FMNL2: variants seen among roughly 807,000 people sequenced by gnomAD.
FMNL2 encodes the protein formin like 2.
In FMNL2, 51 loss-of-function variants were observed where a neutral mutation model predicts 130.2. The observed-to-expected ratio is 0.39, with a 90% CI of 0.31 to 0.49. FMNL2 has a LOEUF of 0.49. FMNL2 is among the 20% of genes least tolerant of loss of function. FMNL2 has a pLI of 0.85. For synonymous variants in FMNL2, 465 were observed against 467.1 expected (o/e 1.00, Z 0.06); for missense variants, 977 against 1,316.2 (o/e 0.74, Z 3.99).
chr2:152,444,771 G>A (rs980449959), intron 1 of FMNL2, among the ~76,000 whole-genome samples: 1 of 152,270 alleles, frequency 6.6e-6, no homozygotes, highest in African/African-American at 2.4e-5. Context: ...TGATAGAGTC[G>A]ATTGAATGTT....
chr2:152,561,136 A>C (rs750228127), intron 6 of FMNL2, 101 bp downstream of exon 6: 1 of 1,235,830 alleles, frequency 8.1e-7, no homozygotes, highest in Non-Finnish European at 1.1e-6. Flanking sequence ...ATAAATTGCC[A>C]TACAGCACTT....
intron 9 of FMNL2, among the ~76,000 whole-genome samples, chr2:152,603,687 A>G (rs1036841261): frequency 2.7e-5 from 4 of 150,860 alleles, no homozygotes; most frequent in East Asian, 2.0e-4. Flanking sequence ...CAGCCATTCA[A>G]AACCTTTTTT....
At chr2:152,390,586 T>C in intron 1 of FMNL2, 1 of 1,331,382 alleles carries the variant, frequency 7.5e-7, no homozygotes, top group South Asian at 1.2e-5. Context: ...CTGAAGAAGT[T>C]CATGGATCAG....
rs751231036 is a variant in FMNL2 at position 152,647,891 on chromosome 2, G to A, written c.3265G>A (p.Glu1089Lys). 69 of 1,612,720 alleles carry A rather than the reference G, an allele frequency of 4.3e-5. No individual in the cohort carries two copies. The highest frequency in any genetic ancestry group is 1.6e-4 in the Middle Eastern group (1 of 6,082). The change falls in exon 26 of 26, where the codon GAA becomes AAA. Residue 1089 changes from glutamate to lysine, a missense_variant. By Grantham distance (56) the Glu-to-Lys change is moderately conservative. Transcript: ENST00000288670. ...DQNLRSVNGA[E>K]ITM ...GAACTTGCGTTCTGTTAATGGTGCC[G>A]AAATAACAATGTGAACCTGAGACTG...
intron 1 of FMNL2, among the ~76,000 whole-genome samples, chr2:152,489,648 G>A (rs1282599506): frequency 6.6e-6 from 1 of 152,220 alleles, no homozygotes; most frequent in African/African-American, 2.4e-5. Flanking sequence ...GGAGGCTGTG[G>A]ACTACCTATA....
At chr2:152,578,239 T>A (rs1345138457) in intron 7 of FMNL2, among the ~76,000 whole-genome samples, 1 of 152,168 alleles carries the variant, frequency 6.6e-6, no homozygotes, top group East Asian at 1.9e-4. Context: ...AAGAATATAG[T>A]TGACCCTTGA....
chr2:152,451,675 G>A (rs1489940228), intron 1 of FMNL2, among the ~76,000 whole-genome samples: 1 of 152,132 alleles, frequency 6.6e-6, no homozygotes, highest in African/African-American at 2.4e-5. Flanking sequence ...GAGGTTGGAG[G>A]TCAGCCCGCT....
intron 8 of FMNL2, 132 bp downstream of exon 8, chr2:152,579,096 T>A: frequency 1.4e-6 from 1 of 724,898 alleles, no homozygotes; most frequent in Non-Finnish European, 2.2e-6. Flanking sequence ...ATAAACTCTT[T>A]GGCTGTGTAA....
chr2:152,443,642 A>T (rs772480553), intron 1 of FMNL2, among the ~76,000 whole-genome samples: 3 of 152,142 alleles, frequency 2.0e-5, no homozygotes, highest in Non-Finnish European at 4.4e-5. Context: ...CAGGAGTTCA[A>T]GACCAGGCTA....
intron 4 of FMNL2, among the ~76,000 whole-genome samples, chr2:152,557,895 G>C (rs1370504): frequency 0.74 from 111,848 of 151,998 alleles, 41,405 homozygotes; most frequent in East Asian, 0.81. Context: ...TTGAAACTTA[G>C]TGAAGGTTTA....
At chr2:152,357,104 G>GATAAATATTACATCAGTTTAATA (rs1682859674) in intron 1 of FMNL2, among the ~76,000 whole-genome samples, 2 of 99,246 alleles carry the variant, frequency 2.0e-5, no homozygotes, top group Non-Finnish European at 3.9e-5. Flanking sequence ...TAAGTTTAAT[G>GATAAATATTACATCAGTTTAATA]TATCACGATA....
chr2:152,387,528 A>T (rs183038312), intron 1 of FMNL2, among the ~76,000 whole-genome samples: 51 of 152,372 alleles, frequency 3.3e-4, no homozygotes, highest in African/African-American at 1.1e-3. Context: ...ATTATGACTT[A>T]TCAAGGGGAA....
Position 152,415,755 on chromosome 2 carries a change from G to A in FMNL2, c.117+80035G>A, listed in dbSNP as rs116262180. Among the ~76,000 whole-genome samples the A allele has an allele frequency of 9.4e-3, 1,427 of 152,256 alleles. 10 individuals carry two copies. Among genetic ancestry groups the A allele is most frequent in the Non-Finnish European group, 0.015 (1,047 of 68,008 alleles). ...TAGAAGTCAGAGGAGAGATAGTGCCGCCTTTAAACATTGTAAACTTTCAGA... is the reference window on the plus strand; with the variant it reads ...TAGAAGTCAGAGGAGAGATAGTGCCACCTTTAAACATTGTAAACTTTCAGA... On this transcript the variant is annotated intron_variant, in intron 1 of 25. Coordinates refer to ENST00000288670, the MANE Select transcript of FMNL2 (RefSeq NM_052905.4).
At chr2:152,386,416 G>A (rs16831031) in intron 1 of FMNL2, among the ~76,000 whole-genome samples, 9,544 of 152,256 alleles carry the variant, frequency 0.063, 552 homozygotes, top group Admixed American at 0.2. Context: ...TTCTCCCTGA[G>A]AATGTTTTAC....
intron 11 of FMNL2, among the ~76,000 whole-genome samples, chr2:152,611,843 A>G (rs1698700695): frequency 6.6e-6 from 1 of 152,222 alleles, no homozygotes; most frequent in East Asian, 1.9e-4. Flanking sequence ...CGGGAGTCAG[A>G]TAACCTCTTG....
intron 1 of FMNL2, among the ~76,000 whole-genome samples, chr2:152,398,923 C>T (rs1215942400): frequency 6.6e-6 from 1 of 152,184 alleles, no homozygotes; most frequent in Non-Finnish European, 1.5e-5. Context: ...GGACAGGCTT[C>T]AGGGAGAGGA....
intron 1 of FMNL2, among the ~76,000 whole-genome samples, chr2:152,406,525 A>G (rs906052673): frequency 6.6e-6 from 1 of 152,214 alleles, no homozygotes; most frequent in Non-Finnish European, 1.5e-5. Context: ...CTCCATCAAG[A>G]TGGTAGTCTC....
chr2:152,417,577 T>C (rs1331246259), intron 1 of FMNL2, among the ~76,000 whole-genome samples: 1 of 152,190 alleles, frequency 6.6e-6, no homozygotes, highest in Non-Finnish European at 1.5e-5. Context: ...ATCAGGGCCT[T>C]GAGGCTTAGG....
intron 1 of FMNL2, among the ~76,000 whole-genome samples, chr2:152,462,062 AT>A (rs1252539680): frequency 6.6e-6 from 1 of 151,968 alleles, no homozygotes; most frequent in Admixed American, 6.6e-5. Context: ...TGCCCTGCTA[AT>A]TTTTAAATTT....
Sources: gnomAD v4.1 joint callset for allele counts (sites outside exome capture counted in the v4.1 genomes callset) on GRCh38, gnomAD v4.1.1 for gene constraint, MANE v1.5 for transcripts, NCBI Gene and HGNC (gene_info 2026-07-23, HGNC 2026-07-21) for gene names.